The following RSPH10B2 variants were observed in gnomAD, a reference collection of about 807,000 sequenced individuals.
RSPH10B2 encodes radial spoke head 10 homolog B2 (Chlamydomonas).
RSPH10B2 carries 9 observed loss-of-function variants against 49.0 expected under a neutral mutation model. That is an observed-to-expected ratio of 0.18 (90% CI 0.11 to 0.32). RSPH10B2 has a LOEUF of 0.32. Ranked by LOEUF, RSPH10B2 falls within the 10% of genes least tolerant of loss-of-function variation. The pLI, the probability that RSPH10B2 is intolerant of heterozygous loss-of-function variation, is 1.00. For synonymous variants in RSPH10B2, 35 were observed against 210.2 expected (o/e 0.17, Z 7.21); for missense variants, 95 against 589.9 (o/e 0.16, Z 8.69).
At chr7:6,795,737 G>T (rs1482072186) in intron 17 of RSPH10B2, among the ~76,000 whole-genome samples, 1 of 146,698 alleles carries the variant, frequency 6.8e-6, no homozygotes, top group Non-Finnish European at 1.5e-5. Flanking sequence ...CTCCAGCCTG[G>T]ATGACAGAGC....
rs565232312 is a variant in RSPH10B2 at position 6,785,960 on chromosome 7, GATAA to G, written c.1776_1779del (p.Asn592LysfsTer3). On this transcript the variant is annotated frameshift_variant, in exon 14 of 19. Transcript: ENST00000297186. LOFTEE classifies it high-confidence loss of function. ...TTTCTTTTTTACAGGACTTTAAAAT[GATAA>G]ATAAAGAATTAACAGCAGCTACATT... 2.0e-3 allele frequency: 1,498 copies of G among 731,348 alleles called. No homozygotes were observed. Among genetic ancestry groups the G allele is most frequent in the Non-Finnish European group, 2.4e-3 (963 of 403,292 alleles). The allele number at this position is 731,348 out of a possible 1,614,324, so 45.3% of individuals were successfully genotyped here.
At chr7:6,756,138 T>C (rs77111005), upstream of RSPH10B2, among the ~76,000 whole-genome samples, 36,088 of 136,140 alleles carry the variant, frequency 0.27, 1,759 homozygotes, top group Non-Finnish European at 0.28. Context: ...GGTGTGGTGG[T>C]GGGTGCCTGT....
exon 1 of RSPH10B2, chr7:6,757,906 A>G: frequency 6.3e-7 from 1 of 1,584,500 alleles, no homozygotes; most frequent in Non-Finnish European, 8.6e-7. Flanking sequence ...CGAAGAGTCC[A>G]TTCTGACCAA....
intron 11 of RSPH10B2, among the ~76,000 whole-genome samples, 163 bp downstream of exon 13, chr7:6,779,887 A>T (rs1393546241): frequency 7.7e-6 from 1 of 129,450 alleles, no homozygotes; most frequent in African/African-American, 2.9e-5. Flanking sequence ...GGCTTACTGC[A>T]ACCTCTGCCT....
Position 6,781,904 on chromosome 7 carries a change from T to G in RSPH10B2, c.1758+428T>G, listed in dbSNP as rs1350254057. Among the ~76,000 whole-genome samples the G allele has an allele frequency of 6.5e-5, 7 of 106,904 alleles. 2 individuals are homozygous for G. Among genetic ancestry groups the G allele is most frequent in the African/African-American group, 2.5e-4 (7 of 27,762 alleles). The allele number at this position is 106,904 out of a possible 152,430, so 70.1% of individuals were successfully genotyped here. A position where few individuals can be genotyped will look rare whatever the true frequency, so the allele number is the denominator to read the frequency against. ...TATATAAATATATATATAATAAATA[T>G]ATATATTTTTTTAATTTTATTTTTT... On this transcript the variant is annotated intron_variant, in intron 13 of 18. Coordinates refer to ENST00000297186, the Ensembl canonical transcript of RSPH10B2.
upstream of RSPH10B2, among the ~76,000 whole-genome samples, chr7:6,752,157 C>T (rs1201043439): frequency 9.3e-5 from 14 of 150,214 alleles, no homozygotes; most frequent in African/African-American, 2.5e-4. Context: ...ATTCTCTGCC[C>T]GGCTGGAAGA....
chr7:6,756,256 T>C (rs1467377567), upstream of RSPH10B2, among the ~76,000 whole-genome samples: 6 of 137,788 alleles, frequency 4.4e-5, no homozygotes, highest in Non-Finnish European at 6.1e-5. Context: ...GGCAAGAGAG[T>C]GAGACTCCGT....
At chr7:6,755,614 CAAAAAAAAAAAAAAAAAA>C (rs1172335800), upstream of RSPH10B2, among the ~76,000 whole-genome samples, 1 of 14,138 alleles carries the variant, frequency 7.1e-5, no homozygotes, top group Non-Finnish European at 1.1e-4. Context: ...CACCCCGTCT[CAAAAAAAAAAAAAAAAAA>C]AAAAAAAAAA....
rs368289618 is a variant in RSPH10B2 at position 6,765,708 on chromosome 7, C to T, written c.576C>T (p.Gly192=). 1.5e-5 allele frequency: 23 copies of T among 1,490,394 alleles called. 1 individual carries two copies. The African/African-American group carries it at 4.0e-4, about 26-fold the overall frequency. The allele number at this position is 1,490,394 out of a possible 1,614,324, so 92.3% of individuals were successfully genotyped here. Residue 192 remains glycine, a splice_region_variant and synonymous_variant, in exon 5 of 19, where the codon GGC becomes GGT. Transcript: ENST00000297186. ...AAAGATGACATTATTTGTTTCAGGG[C>T]TCCATTTATTACAATCAAGAGGGTA...
intron 13 of RSPH10B2, among the ~76,000 whole-genome samples, chr7:6,782,421 C>T (rs1438823270): frequency 2.3e-5 from 3 of 128,084 alleles, no homozygotes; most frequent in African/African-American, 6.2e-5. Context: ...TGGTAGTGCA[C>T]GCCTGTAGTC....
intron 17 of RSPH10B2, among the ~76,000 whole-genome samples, chr7:6,793,063 ATTTTTTTTTT>A (rs778318872): frequency 7.7e-5 from 5 of 64,806 alleles, no homozygotes; most frequent in Admixed American, 3.6e-4. Flanking sequence ...GCCCCTGGGC[ATTTTTTTTTT>A]TTTTTTTTTT....
chr7:6,768,086 G>T, intron 6 of RSPH10B2, among the ~76,000 whole-genome samples: 1 of 105,328 alleles, frequency 9.5e-6, no homozygotes, highest in Admixed American at 1.0e-4. Context: ...TGGCTACTTG[G>T]GAGGCTGAGG....
intron 16 of RSPH10B2, among the ~76,000 whole-genome samples, chr7:6,791,081 A>C (rs1224168438): frequency 2.2e-5 from 3 of 137,642 alleles, no homozygotes; most frequent in Non-Finnish European, 3.1e-5. Context: ...CGCTCATTGC[A>C]AGCTCTGCCT....
At chr7:6,791,722 C>T (rs1583532283) in intron 16 of RSPH10B2, among the ~76,000 whole-genome samples, 182 bp from the exon 19 acceptor site, 1 of 101,472 alleles carries the variant, frequency 9.9e-6, no homozygotes. Context: ...CCAGCCTGGG[C>T]AACAGAGCAA....
chr7:6,793,885 C>T (rs10265755), intron 17 of RSPH10B2, among the ~76,000 whole-genome samples: 5,248 of 132,656 alleles, frequency 0.04, 6 homozygotes, highest in African/African-American at 0.099. Context: ...CTCCCACTTT[C>T]CCCTCTAGAT....
intron 8 of RSPH10B2, among the ~76,000 whole-genome samples, chr7:6,772,083 TACACCGA>T (rs1401563009): frequency 1.8e-5 from 2 of 112,976 alleles, no homozygotes; most frequent in Non-Finnish European, 3.9e-5. Flanking sequence ...CTCATGAAAA[TACACCGA>T]ACACTTCAGG....
At chr7:6,786,178 CTTTTTTT>C in intron 14 of RSPH10B2, 122 bp downstream of exon 16, 6 of 141,974 alleles carry the variant, frequency 4.2e-5, no homozygotes, top group East Asian at 2.3e-4. Context: ...TTCACTGATG[CTTTTTTT>C]TTTTTTTTTT....
chr7:6,785,190 T>C (rs1292963680), intron 13 of RSPH10B2, among the ~76,000 whole-genome samples: 5 of 82,022 alleles, frequency 6.1e-5, no homozygotes, highest in Admixed American at 1.4e-4. Context: ...TGTGTGTGTG[T>C]GTTTGAGACA....
At chr7:6,756,128 G>C (rs1583490555), upstream of RSPH10B2, among the ~76,000 whole-genome samples, 1 of 147,122 alleles carries the variant, frequency 6.8e-6, no homozygotes, top group South Asian at 2.1e-4. Flanking sequence ...GAATTAGCCA[G>C]GTGTGGTGGT....
Sources: allele counts gnomAD v4.1 joint callset (sites outside exome capture counted in the v4.1 genomes callset), GRCh38; gene constraint gnomAD v4.1.1; transcripts MANE v1.5; gene names NCBI Gene and HGNC (gene_info 2026-07-23, HGNC 2026-07-21).